The following KCNN3 variants were observed in gnomAD, a reference collection of about 807,000 sequenced individuals.
KCNN3 encodes potassium calcium-activated channel subfamily N member 3, also known as small conductance calcium-activated potassium channel protein 3.
In KCNN3, 16 loss-of-function variants were observed where a neutral mutation model predicts 62.9. That is an observed-to-expected ratio of 0.25 (90% CI 0.17 to 0.39). KCNN3 has a LOEUF of 0.39. Ranked by LOEUF, KCNN3 falls within the 10% of genes least tolerant of loss-of-function variation. The pLI, the probability that KCNN3 is intolerant of heterozygous loss-of-function variation, is 1.00. For synonymous variants in KCNN3, 370 were observed against 389.2 expected, an observed-to-expected ratio of 0.95 and a Z score of 0.58; for missense variants, 599 against 949.4, an observed-to-expected ratio of 0.63 and a Z score of 4.85.
At chr1:154,855,609 C>T (rs919174652) in intron 1 of KCNN3, among the ~76,000 whole-genome samples, 3 of 152,188 alleles carry the variant, frequency 2.0e-5, no homozygotes, top group African/African-American at 7.2e-5. Flanking sequence ...AAGGCCATGC[C>T]ACCTAGTCTG....
rs554283441 is a variant in KCNN3, at chr1:154,787,776, C to A, written c.1030-15383G>T. Among the ~76,000 whole-genome samples, 15 of 152,322 alleles carry A rather than the reference C, an allele frequency of 9.8e-5. No homozygotes were observed. The South Asian group carries it at 1.2e-3, about 13-fold the overall frequency. Reference sequence around the variant, plus strand: ...CCTTGTCTGCCTCCACCTTCTAAACCCCCGTTTGGATATCCAGACGCCCAG... The same window carrying A: ...CCTTGTCTGCCTCCACCTTCTAAACACCCGTTTGGATATCCAGACGCCCAG... On this transcript the variant is annotated intron_variant, in intron 2 of 7. Transcript: ENST00000271915.
At chr1:154,803,770 T>C (rs1428700539) in intron 2 of KCNN3, among the ~76,000 whole-genome samples, 1 of 152,164 alleles carries the variant, frequency 6.6e-6, no homozygotes, top group Non-Finnish European at 1.5e-5. Flanking sequence ...AGCAAGCTGT[T>C]AATCTGAGCG....
intron 1 of KCNN3, among the ~76,000 whole-genome samples, chr1:154,842,668 G>A (rs184475356): frequency 4.2e-5 from 5 of 119,918 alleles, no homozygotes; most frequent in Admixed American, 4.1e-4. Context: ...AGCTTTCCCC[G>A]GCCCTCCCTG....
chr1:154,733,015 G>T lies in KCNN3; in HGVS notation c.1578C>A (p.Leu526=). 6 of 1,614,116 alleles carry T rather than the reference G, an allele frequency of 3.7e-6. No individual in the cohort carries two copies. Among genetic ancestry groups the T allele is most frequent in the Non-Finnish European group, 4.2e-6 (5 of 1,179,976 alleles). ...HTYCGKGVCL[L]TGIMGAGCTA... is the part of the protein sequence containing the mutation. Reference sequence around the variant, plus strand: ...GGCGGGTACTCACCATGATGCCAGTGAGGAGACAGACACCTTTCCCACAGT... The same window carrying T: ...GGCGGGTACTCACCATGATGCCAGTTAGGAGACAGACACCTTTCCCACAGT... Residue 526 remains leucine, a synonymous_variant, in exon 4 of 8, where the codon CTC becomes CTA. Coordinates refer to ENST00000271915, the MANE Select transcript of KCNN3 (RefSeq NM_002249.6).
intron 7 of KCNN3, among the ~76,000 whole-genome samples, chr1:154,708,785 T>C (rs370189009): frequency 2.6e-5 from 4 of 152,228 alleles, no homozygotes; most frequent in African/African-American, 9.6e-5. Flanking sequence ...GAGTTAATAA[T>C]AACTGTACAC....
chr1:154,855,247 A>C (rs1456316820), intron 1 of KCNN3, among the ~76,000 whole-genome samples: 1 of 151,816 alleles, frequency 6.6e-6, no homozygotes, highest in Non-Finnish European at 1.5e-5. Context: ...ATAAATAAAT[A>C]AAATTATAGT....
intron 1 of KCNN3, among the ~76,000 whole-genome samples, chr1:154,845,661 G>C (rs1318035837): frequency 1.3e-5 from 2 of 152,030 alleles, no homozygotes; most frequent in Non-Finnish European, 2.9e-5. Flanking sequence ...TCAGGGAAGG[G>C]GCCACATGAC....
At chr1:154,764,564 C>T (rs529846876) in intron 3 of KCNN3, among the ~76,000 whole-genome samples, 1 of 152,282 alleles carries the variant, frequency 6.6e-6, no homozygotes, top group Non-Finnish European at 1.5e-5. Context: ...AAATATTTCT[C>T]TGATTGCTAA....
intron 2 of KCNN3, among the ~76,000 whole-genome samples, chr1:154,787,212 C>T (rs1649318462): frequency 6.6e-6 from 1 of 152,262 alleles, no homozygotes; most frequent in Non-Finnish European, 1.5e-5. Flanking sequence ...TAGTCAGTGG[C>T]CCACTCCGCT....
chr1:154,783,177 T>C (rs1397252154), intron 2 of KCNN3, among the ~76,000 whole-genome samples: 6 of 149,206 alleles, frequency 4.0e-5, no homozygotes, highest in South Asian at 2.1e-4. Context: ...CGCACCACTG[T>C]ACTCCAGCCT....
At chr1:154,739,769 C>T (rs1700791361) in intron 3 of KCNN3, among the ~76,000 whole-genome samples, 1 of 152,258 alleles carries the variant, frequency 6.6e-6, no homozygotes, top group Non-Finnish European at 1.5e-5. Context: ...ATCACTCTCC[C>T]TGGGAGAATC....
At chr1:154,737,571 A>G (rs1700738213) in intron 3 of KCNN3, among the ~76,000 whole-genome samples, 1 of 152,218 alleles carries the variant, frequency 6.6e-6, no homozygotes, top group Non-Finnish European at 1.5e-5. Flanking sequence ...ACTCTGGATC[A>G]AATACAGACC....
chr1:154,832,091 C>T (rs1199829790), intron 1 of KCNN3, among the ~76,000 whole-genome samples: 4 of 152,046 alleles, frequency 2.6e-5, no homozygotes, highest in Non-Finnish European at 5.9e-5. Flanking sequence ...AATATAACAA[C>T]CGGTCCCTGA....
chr1:154,741,530 G>A (rs4999127), intron 3 of KCNN3, among the ~76,000 whole-genome samples: 135,632 of 152,202 alleles, frequency 0.89, 60,616 homozygotes, highest in East Asian at 1. Context: ...CCTTTGTCAA[G>A]GTGGCTGCCA....
At chr1:154,823,056 G>A (rs1434925998) in intron 1 of KCNN3, among the ~76,000 whole-genome samples, 2 of 152,204 alleles carry the variant, frequency 1.3e-5, no homozygotes, top group East Asian at 1.9e-4. Context: ...CTACCTCACA[G>A]GGCTGTTGTG....
At chr1:154,720,929 C>A (rs1700333549) in intron 5 of KCNN3, among the ~76,000 whole-genome samples, 1 of 152,188 alleles carries the variant, frequency 6.6e-6, no homozygotes, top group African/African-American at 2.4e-5. Flanking sequence ...TGCTCAGACC[C>A]TCGTGGGGTC....
intron 3 of KCNN3, among the ~76,000 whole-genome samples, chr1:154,770,124 A>T (rs1648479934): frequency 6.6e-6 from 1 of 152,222 alleles, no homozygotes; most frequent in Admixed American, 6.5e-5. Context: ...AGCCCTGTGC[A>T]GTGTGGTCCC....
At chr1:154,868,155 C>T (rs1002355925) in intron 1 of KCNN3, 61 of 985,364 alleles carry the variant, frequency 6.2e-5, no homozygotes, top group Non-Finnish European at 2.2e-5. Flanking sequence ...AGCTGGGGCG[C>T]GGGCTTGTGG....
chr1:154,772,165 G>A lies in KCNN3; in HGVS notation c.1258C>T (p.Arg420Ter), dbSNP rs753301038. The A allele has an allele frequency of 2.5e-6, 4 of 1,614,070 alleles. No homozygotes were observed. Among genetic ancestry groups the A allele is most frequent in the Middle Eastern group, 1.6e-4 (1 of 6,084 alleles). ...PMFLRLYLIA[R>*]VMLLHSKLFT... ...AGCTTGCTGTGCAGCAGCATGACTC[G>A]GGCGATCAGGTACAGGCGCAGGAAC... is the stretch of plus-strand genomic sequence containing the variant. Residue 420 changes from arginine to a stop codon, truncating the protein, a stop_gained, in exon 3 of 8, where the codon CGA (arginine) becomes TGA (stop). Transcript: ENST00000271915. LOFTEE classifies it high-confidence loss of function. This position sits in a 1 kb window ranked among gnomAD's most constrained non-coding sequence, Gnocchi z 5.6.
Sources: gnomAD v4.1 joint callset for allele counts (sites outside exome capture counted in the v4.1 genomes callset) on GRCh38, gnomAD v4.1.1 for gene constraint, Gnocchi (gnomAD v3.1) non-coding constraint, MANE v1.5 for transcripts, NCBI Gene and HGNC (gene_info 2026-07-23, HGNC 2026-07-21) for gene names.